AGAP1: variants seen among roughly 807,000 people sequenced by gnomAD.
AGAP1 encodes arf-GAP with GTPase, ANK repeat and PH domain-containing protein 1.
In AGAP1, 29 loss-of-function variants were observed where a neutral mutation model predicts 105.3. That is an observed-to-expected ratio of 0.28 (90% CI 0.21 to 0.38). The LOEUF (loss-of-function observed/expected upper bound fraction) is 0.38. Among genes scored for constraint, AGAP1 ranks in the 10% least tolerant of loss-of-function variants. The probability of loss-of-function intolerance (pLI) is 1.00; values close to 1 mark genes in which losing one functional copy is unlikely to be tolerated. For missense variants in AGAP1, 998 were observed against 1,165.1 expected, an observed-to-expected ratio of 0.86 and a Z score of 2.09; for synonymous variants, 509 against 485.9, an observed-to-expected ratio of 1.05 and a Z score of -0.63.
intron 1 of AGAP1, among the ~76,000 whole-genome samples, chr2:235,573,652 A>G (rs1165319001): frequency 6.6e-6 from 1 of 152,248 alleles, no homozygotes; most frequent in Non-Finnish European, 1.5e-5. Context: ...GTGTGGCAAC[A>G]ACACTGCTGA....
At chr2:236,025,632 G>A (rs917635945) in intron 13 of AGAP1, among the ~76,000 whole-genome samples, 2 of 152,168 alleles carry the variant, frequency 1.3e-5, no homozygotes, top group Admixed American at 1.3e-4. Flanking sequence ...GATTTGCTAG[G>A]TGTTGACCTA....
intron 16 of AGAP1, among the ~76,000 whole-genome samples, chr2:236,102,271 GC>G (rs1466855876): frequency 2.4e-4 from 37 of 152,080 alleles, no homozygotes; most frequent in South Asian, 6.3e-4. Flanking sequence ...CAAAAAATTA[GC>G]CGGGCGTGGT....
intron 9 of AGAP1, chr2:235,852,690 T>C (rs2048523360): frequency 2.7e-6 from 4 of 1,493,826 alleles, no homozygotes; most frequent in African/African-American, 2.8e-5. Context: ...CCCCAGGGCC[T>C]GCCCTTCTTT....
At chr2:235,698,833 A>T (rs1224590664) in intron 1 of AGAP1, among the ~76,000 whole-genome samples, 1 of 152,202 alleles carries the variant, frequency 6.6e-6, no homozygotes, top group Non-Finnish European at 1.5e-5. Flanking sequence ...CACAATTTTT[A>T]AATTTTTATT....
chr2:235,670,874 G>C, intron 1 of AGAP1: 1 of 1,346,028 alleles, frequency 7.4e-7, no homozygotes, highest in Non-Finnish European at 9.5e-7. Context: ...GGCCGGCGCG[G>C]CCTCGGAGCA....
At chr2:235,782,522 G>A (rs1024631957) in intron 6 of AGAP1, among the ~76,000 whole-genome samples, 5 of 152,160 alleles carry the variant, frequency 3.3e-5, no homozygotes, top group Non-Finnish European at 5.9e-5. Context: ...TTCTTTAGAT[G>A]GGTGCTAATG....
At chr2:235,703,383 C>G (rs939832073) in intron 1 of AGAP1, among the ~76,000 whole-genome samples, 2 of 152,102 alleles carry the variant, frequency 1.3e-5, no homozygotes, top group East Asian at 3.9e-4. Flanking sequence ...GCTGTGGCAC[C>G]TGGGCAACGG....
chr2:236,090,325 T>C lies in AGAP1; in HGVS notation c.2115-29867T>C, dbSNP rs2059026889. On this transcript the variant is annotated intron_variant, in intron 16 of 17. Transcript: ENST00000304032. This position sits in a 1 kb window ranked among gnomAD's most constrained non-coding sequence, Gnocchi z 4.3. ...TCTTATTTCAAGAGCATGATAGAAA[T>C]ATTCAGAAGCAGACATAATTATTTC... 6.6e-6 allele frequency among the ~76,000 whole-genome samples: 1 copy of C among 152,224 alleles called. No individual in the cohort carries two copies. The highest frequency in any genetic ancestry group is 1.5e-5 in the Non-Finnish European group (1 of 68,036).
intron 1 of AGAP1, among the ~76,000 whole-genome samples, chr2:235,658,376 C>T (rs1947840833): frequency 6.6e-6 from 1 of 152,222 alleles, no homozygotes; most frequent in South Asian, 2.1e-4. Flanking sequence ...TTCCAAGGCC[C>T]AGGCCTTTGT....
At chr2:235,837,068 C>A (rs1004211489) in intron 9 of AGAP1, among the ~76,000 whole-genome samples, 22 of 152,210 alleles carry the variant, frequency 1.4e-4, no homozygotes, top group African/African-American at 5.1e-4. Flanking sequence ...TTACCGCAAC[C>A]TCCGCCTCCG....
intron 16 of AGAP1, among the ~76,000 whole-genome samples, chr2:236,059,354 C>T (rs1452802033): frequency 6.6e-6 from 1 of 152,124 alleles, no homozygotes; most frequent in African/African-American, 2.4e-5. Context: ...GAAAAGACAT[C>T]ATGTTCACGG....
chr2:236,121,960 C>T lies in AGAP1; in HGVS notation c.2370+1513C>T, dbSNP rs1363082160. On this transcript the variant is annotated intron_variant, in intron 17 of 17. Transcript: ENST00000304032. This position sits in a 1 kb window ranked among gnomAD's most constrained non-coding sequence, Gnocchi z 4.9. ...GTAGCTCTCTCCTTTCCCCCCACCCCCTTCTTTTTGGGACAAAGTCTTGCT... is the reference window on the plus strand; with the variant it reads ...GTAGCTCTCTCCTTTCCCCCCACCCTCTTCTTTTTGGGACAAAGTCTTGCT... Among the ~76,000 whole-genome samples, 2 of 150,516 alleles carry T rather than the reference C, an allele frequency of 1.3e-5. No individual in the cohort carries two copies. The highest frequency in any genetic ancestry group is 2.1e-4 in the South Asian group (1 of 4,664).
intron 1 of AGAP1, among the ~76,000 whole-genome samples, chr2:235,561,791 G>A (rs1014504085): frequency 9.9e-5 from 15 of 152,202 alleles, no homozygotes; most frequent in Admixed American, 9.8e-4. Flanking sequence ...TTTAAAAACT[G>A]TTGACAGATC....
chr2:235,558,262 C>G (rs541705453), intron 1 of AGAP1, among the ~76,000 whole-genome samples: 1 of 152,264 alleles, frequency 6.6e-6, no homozygotes, highest in South Asian at 2.1e-4. Flanking sequence ...TGAGTACTGT[C>G]ACCTCTTCCT....
chr2:236,008,232 C>T (rs2056389928), intron 13 of AGAP1, among the ~76,000 whole-genome samples: 1 of 152,192 alleles, frequency 6.6e-6, no homozygotes, highest in South Asian at 2.1e-4. Context: ...CACCCAAGGC[C>T]TCGTCGGTTT....
At chr2:235,775,358 C>A (rs1003353892) in intron 6 of AGAP1, among the ~76,000 whole-genome samples, 2 of 152,278 alleles carry the variant, frequency 1.3e-5, no homozygotes, top group Admixed American at 6.5e-5. Flanking sequence ...TTTGTGCCAG[C>A]CAAAAGTGAG....
rs541894454 is a variant in AGAP1, at chr2:235,977,149, T to G, written c.1645+8526T>G. Reference sequence around the variant, plus strand: ...GCTCCGGCGTCCATCAGCAGAGAACTCGGGGCACCGTGTTTTCCTGTGTGC... The same window carrying G: ...GCTCCGGCGTCCATCAGCAGAGAACGCGGGGCACCGTGTTTTCCTGTGTGC... On this transcript the variant is annotated intron_variant, in intron 13 of 17. Transcript: ENST00000304032. This position sits in a 1 kb window ranked among gnomAD's most constrained non-coding sequence, Gnocchi z 5.2. Among the ~76,000 whole-genome samples, 9 of 152,290 alleles carry G rather than the reference T, an allele frequency of 5.9e-5. No individual in the cohort carries two copies. Among genetic ancestry groups the G allele is most frequent in the Middle Eastern group, 3.4e-3 (1 of 294 alleles).
chr2:235,681,216 A>T (rs1195548307), intron 1 of AGAP1, among the ~76,000 whole-genome samples: 1 of 152,120 alleles, frequency 6.6e-6, no homozygotes, highest in African/African-American at 2.4e-5. Flanking sequence ...TCACCGTGTT[A>T]GCCAGGATGG....
At chr2:235,921,217 T>C (rs2052166378) in intron 11 of AGAP1, among the ~76,000 whole-genome samples, 1 of 152,222 alleles carries the variant, frequency 6.6e-6, no homozygotes, top group Non-Finnish European at 1.5e-5. Flanking sequence ...AAAATGGTGA[T>C]ATAAATTATC....
Sources: allele counts gnomAD v4.1 joint callset (sites outside exome capture counted in the v4.1 genomes callset), GRCh38; gene constraint gnomAD v4.1.1; non-coding constraint Gnocchi (gnomAD v3.1); transcripts MANE v1.5; gene names NCBI Gene and HGNC (gene_info 2026-07-23, HGNC 2026-07-21).